The following ZNF597 variants were observed in gnomAD, a reference collection of about 807,000 sequenced individuals.
ZNF597 encodes zinc finger protein 597.
ZNF597 carries 5 observed loss-of-function variants against 7.3 expected under a neutral mutation model. The ratio of observed to expected loss-of-function variants is 0.68; its 90% CI spans 0.36 to 1.44. The LOEUF (loss-of-function observed/expected upper bound fraction) is 1.44. Ranked by LOEUF, ZNF597 falls within the 40% of genes most tolerant of loss-of-function variation. The pLI, the probability that ZNF597 is intolerant of heterozygous loss-of-function variation, is 0.04. For missense variants in ZNF597, 585 were observed against 517.9 expected, an observed-to-expected ratio of 1.13 and a Z score of -1.26; for synonymous variants, 209 against 185.4, an observed-to-expected ratio of 1.13 and a Z score of -1.04.
intron 3 of ZNF597, among the ~76,000 whole-genome samples, chr16:3,438,877 A>T (rs998541153): frequency 2.0e-5 from 3 of 152,366 alleles, no homozygotes; most frequent in Middle Eastern, 3.4e-3. Context: ...TTCCAGAGAA[A>T]CAAAGTTCTA....
At chr16:3,439,765 C>G (rs867381903) in intron 3 of ZNF597, among the ~76,000 whole-genome samples, 4 of 151,892 alleles carry the variant, frequency 2.6e-5, no homozygotes, top group Admixed American at 6.6e-5. Context: ...TAACATCCGA[C>G]CAAAATTTAC....
rs1366981884 is a variant in ZNF597 at position 3,433,891 on chromosome 16, C to T, written c.*2533G>A. ...CAAAAAGCCATTTTAGTTCTACCCA[C>T]ACGTATGTTAATGTTTCTGAAAAGG... On this transcript the variant is annotated 3_prime_UTR_variant, in exon 4 of 4. Coordinates refer to ENST00000301744, the MANE Select transcript of ZNF597 (RefSeq NM_152457.3). 1 of 152,020 alleles carries T rather than the reference C, an allele frequency of 6.6e-6. No individual in the cohort carries two copies. Among genetic ancestry groups the T allele is most frequent in the African/African-American group, 2.4e-5 (1 of 41,374 alleles). The allele number at this position is 152,020 out of a possible 1,614,324, so 9.4% of individuals were successfully genotyped here.
intron 1 of ZNF597, 23 bp from the exon 2 acceptor site, chr16:3,443,229 T>C (rs2034420467): frequency 2.0e-6 from 3 of 1,477,810 alleles, no homozygotes; most frequent in Non-Finnish European, 2.8e-6. Context: ...AGAACAGTTC[T>C]TAAAGGGACC....
chr16:3,433,739 A>G lies in ZNF597; in HGVS notation c.*2685T>C, dbSNP rs1054632407. On this transcript the variant is annotated 3_prime_UTR_variant, in exon 4 of 4. Coordinates refer to ENST00000301744, the MANE Select transcript of ZNF597 (RefSeq NM_152457.3). ...CCCTGGGGGTAAAGCAGCTTGAATT[A>G]CATCTAGCAAATGTATTTAAGTACA... 5 of 152,262 alleles carry G rather than the reference A, an allele frequency of 3.3e-5. No homozygotes were observed. Among genetic ancestry groups the G allele is most frequent in the African/African-American group, 1.2e-4 (5 of 41,474 alleles). 9.4% of individuals were successfully genotyped at this position (152,262 alleles called of 1,614,324 possible).
At position 3,440,778 on chromosome 16, in the gene ZNF597, TC is replaced by T. The variant is rs775655410; in HGVS notation, c.160+28del. The T allele has an allele frequency of 3.7e-6, 6 of 1,612,010 alleles. No homozygotes were observed. The South Asian group carries it at 6.6e-5, about 18-fold the overall frequency. On this transcript the variant is annotated intron_variant, in intron 3 of 3. Transcript: ENST00000301744. ...TTCTCCTCCTAGAATTGACAAAAGT[TC>T]CAGATGCAGGAAAAACAATTGCCTT...
Position 3,436,858 on chromosome 16 carries a change from G to A in ZNF597, c.841C>T (p.Pro281Ser). 1.9e-6 allele frequency: 3 copies of A among 1,614,084 alleles called. No homozygotes were observed. The highest frequency in any genetic ancestry group is 2.5e-6 in the Non-Finnish European group (3 of 1,180,018). ...TNCDKHFNEK[P>S]NLALPEETFV... ...GTTTCCTCAGGCAAAGCAAGATTTG[G>A]TTTCTCATTAAAATGTTTATCACAG... Residue 281 changes from proline to serine, a missense_variant, in exon 4 of 4, where the codon CCA becomes TCA. Coordinates refer to ENST00000301744, the MANE Select transcript of ZNF597 (RefSeq NM_152457.3).
rs1340709950 is a variant in ZNF597, at chr16:3,437,074, C to T, written c.625G>A (p.Glu209Lys). ...LRTHRRIHTG[E>K]KPYKCAKCSA... Reference sequence around the variant, plus strand: ...CACTTGGCACACTTATAAGGTTTCTCACCAGTATGGATTCTCCTGTGTGTC... The same window carrying T: ...CACTTGGCACACTTATAAGGTTTCTTACCAGTATGGATTCTCCTGTGTGTC... The change falls in exon 4 of 4, where the codon GAG becomes AAG. Residue 209 changes from glutamate (E) to lysine (K), a missense_variant. Glu to Lys is a moderately conservative substitution (Grantham distance 56, BLOSUM62 1). Coordinates refer to ENST00000301744, the MANE Select transcript of ZNF597 (RefSeq NM_152457.3). The T allele has an allele frequency of 9.9e-6, 16 of 1,614,056 alleles. No homozygotes were observed. The highest frequency in any genetic ancestry group is 1.4e-5 in the Non-Finnish European group (16 of 1,180,054).
rs1383262890 is a variant in ZNF597, at chr16:3,436,545, G to A, written c.1154C>T (p.Ala385Val). The part of the protein sequence containing the change: ...EESFALDSEL[A>V]CHQKSHMLAE... ...TAGCATGTGGCTCTTCTGGTGGCAT[G>A]CAAGTTCTGAGTCCAAAGCAAAACT... The change falls in exon 4 of 4, where the codon GCA (alanine) becomes GTA (valine). Residue 385 changes from alanine (A) to valine (V), a missense_variant. Transcript: ENST00000301744. 6 of 1,613,856 alleles carry A rather than the reference G, an allele frequency of 3.7e-6. No individual in the cohort carries two copies. Among genetic ancestry groups the A allele is most frequent in the Non-Finnish European group, 5.1e-6 (6 of 1,179,940 alleles).
chr16:3,442,544 A>G (rs8048542), intron 2 of ZNF597, among the ~76,000 whole-genome samples: 1,587 of 152,132 alleles, frequency 0.01, 21 homozygotes, highest in African/African-American at 0.035. Context: ...GCGTGGCGGC[A>G]GGCGCCTGTA....
rs773564924 is a variant in ZNF597, at chr16:3,436,503, C to A, written c.1196G>T (p.Cys399Phe). ...CTTGAAAGTTTTCCCACACACGGTA[C>A]ATTTAAAAGGTTCCGCTAGCATGTG... ...KSHMLAEPFK[C>F]TVCGKTFKSN... Residue 399 changes from cysteine to phenylalanine, a missense_variant, in exon 4 of 4, where the codon TGT becomes TTT. Cys to Phe is a radical substitution (Grantham distance 205). Coordinates refer to ENST00000301744, the MANE Select transcript of ZNF597 (RefSeq NM_152457.3). 6.2e-7 allele frequency: 1 copy of A among 1,614,192 alleles called. No individual in the cohort carries two copies.
intron 3 of ZNF597, among the ~76,000 whole-genome samples, chr16:3,438,149 T>C (rs2034324329): frequency 6.6e-6 from 1 of 151,230 alleles, no homozygotes; most frequent in South Asian, 2.1e-4. Context: ...GGAGGATCAC[T>C]TGAGCTCAGG....
At position 3,433,100 on chromosome 16, in the gene ZNF597, T is replaced by C. The variant is rs1187276149; in HGVS notation, c.*3324A>G. The stretch of plus-strand genomic sequence containing the variant: ...ACTCAAAATGGCATTTGCTGTGAAA[T>C]GTCATTTGAGTTTTAACTCCCTGAA... On this transcript the variant is annotated 3_prime_UTR_variant, in exon 4 of 4. Coordinates refer to ENST00000301744, the MANE Select transcript of ZNF597 (RefSeq NM_152457.3). 1 of 152,224 alleles carries C rather than the reference T, an allele frequency of 6.6e-6. No individual in the cohort carries two copies. The highest frequency in any genetic ancestry group is 1.5e-5 in the Non-Finnish European group (1 of 68,032). The allele number at this position is 152,224 out of a possible 1,614,324, so 9.4% of individuals were successfully genotyped here. A position where few individuals can be genotyped will look rare whatever the true frequency, so the allele number is the denominator to read the frequency against.
In ZNF597 at chr16:3,435,271, G is replaced by A. The variant is rs1468446541; in HGVS notation, c.*1153C>T. The A allele has an allele frequency of 6.6e-6, 1 of 152,174 alleles. No homozygotes were observed. The allele number at this position is 152,174 out of a possible 1,614,324, so 9.4% of individuals were successfully genotyped here. ...TGCTGCTTTGTAACTGTATATGTTA[G>A]TCAGGCTTTGGGTACAGCACAAAGG... is the stretch of plus-strand genomic sequence containing the variant. On this transcript the variant is annotated 3_prime_UTR_variant, in exon 4 of 4. Coordinates refer to ENST00000301744, the MANE Select transcript of ZNF597 (RefSeq NM_152457.3).
chr16:3,436,844 C>A lies in ZNF597; in HGVS notation c.855G>T (p.Leu285Phe). The change falls in exon 4 of 4, where the codon TTG becomes TTT. Residue 285 changes from leucine to phenylalanine, a missense_variant. Coordinates refer to ENST00000301744, the MANE Select transcript of ZNF597 (RefSeq NM_152457.3). The stretch of plus-strand genomic sequence containing the variant: ...GGCCTGATACGAATGTTTCCTCAGG[C>A]AAAGCAAGATTTGGTTTCTCATTAA... ...KHFNEKPNLA[L>F]PEETFVSGPQ... The A allele has an allele frequency of 6.2e-7, 1 of 1,613,974 alleles. No individual in the cohort carries two copies.
intron 2 of ZNF597, among the ~76,000 whole-genome samples, chr16:3,441,239 G>C (rs148213579): frequency 1.3e-5 from 2 of 152,292 alleles, no homozygotes; most frequent in Non-Finnish European, 2.9e-5. Flanking sequence ...ATTAAGTGAG[G>C]ATGCTCTAAG....
Position 3,443,367 on chromosome 16 carries a change from C to T in ZNF597, c.-61G>A. 1.8e-6 allele frequency: 1 copy of T among 570,516 alleles called. No individual in the cohort carries two copies. The highest frequency in any genetic ancestry group is 4.6e-4 in the Middle Eastern group (1 of 2,162). 35.3% of individuals were successfully genotyped at this position (570,516 alleles called of 1,614,324 possible). A position where few individuals can be genotyped will look rare whatever the true frequency, so the allele number is the denominator to read the frequency against. On this transcript the variant is annotated 5_prime_UTR_variant, in exon 1 of 4. Coordinates refer to ENST00000301744, the MANE Select transcript of ZNF597 (RefSeq NM_152457.3). Reference sequence around the variant, plus strand: ...CGAAAGGGGCCCACTTACCGCTCCGCGGTTAATAACAGGCCTCGCGCTCCC... The same window carrying T: ...CGAAAGGGGCCCACTTACCGCTCCGTGGTTAATAACAGGCCTCGCGCTCCC...
In ZNF597 at chr16:3,437,376, C is replaced by A. The variant is rs1179733188; in HGVS notation, c.323G>T (p.Gly108Val). The part of the protein sequence containing the change: ...VGNPEAKILS[G>V]TPTYKRRVIS... ...GACCCTTCTCTTGTAAGTGGGAGTT[C>A]CACTTAATATTTTCGCTTCAGGGTT... Residue 108 changes from glycine (G) to valine (V), a missense_variant, in exon 4 of 4, where the codon GGA becomes GTA. Transcript: ENST00000301744. 6.2e-7 allele frequency: 1 copy of A among 1,614,040 alleles called. No individual in the cohort carries two copies. The highest frequency in any genetic ancestry group is 8.5e-7 in the Non-Finnish European group (1 of 1,180,024).
At chr16:3,442,962 G>GT (rs1167312370) in intron 2 of ZNF597, among the ~76,000 whole-genome samples, 159 bp downstream of exon 2, 3 of 152,198 alleles carry the variant, frequency 2.0e-5, no homozygotes, top group Non-Finnish European at 4.4e-5. Context: ...AAACCATTAT[G>GT]TGTGTGGTCT....
intron 2 of ZNF597, 70 bp downstream of exon 2, chr16:3,443,051 T>G: frequency 6.3e-7 from 1 of 1,592,756 alleles, no homozygotes; most frequent in South Asian, 1.1e-5. Context: ...CCAACTCTCC[T>G]CCAAAGGAGG....
Sources: allele counts gnomAD v4.1 joint callset (sites outside exome capture counted in the v4.1 genomes callset), GRCh38; gene constraint gnomAD v4.1.1; transcripts MANE v1.5; gene names NCBI Gene and HGNC (gene_info 2026-07-23, HGNC 2026-07-21).